The following ADGRL2 variants were observed in gnomAD, a reference collection of about 807,000 sequenced individuals.
ADGRL2 encodes adhesion G protein-coupled receptor L2, also known as calcium-independent alpha-latrotoxin receptor 2.
A neutral mutation model predicts 157.4 loss-of-function variants in ADGRL2; 44 were observed. The ratio of observed to expected loss-of-function variants is 0.28; its 90% CI spans 0.22 to 0.36. ADGRL2 has a LOEUF of 0.36. ADGRL2 is among the 10% of genes least tolerant of loss of function. The pLI is 1.00. For missense variants in ADGRL2, 1,510 were observed against 1,768.9 expected, an observed-to-expected ratio of 0.85 and a Z score of 2.63; for synonymous variants, 585 against 624.7, an observed-to-expected ratio of 0.94 and a Z score of 0.95.
chr1:81,422,398 C>T (rs1050656205), intron 1 of ADGRL2, among the ~76,000 whole-genome samples: 2 of 152,176 alleles, frequency 1.3e-5, no homozygotes, highest in African/African-American at 4.8e-5. Flanking sequence ...GCACATGCCA[C>T]CATGCCTGGC....
At chr1:81,773,235 G>C (rs1458343396) in intron 2 of ADGRL2, among the ~76,000 whole-genome samples, 1 of 152,218 alleles carries the variant, frequency 6.6e-6, no homozygotes, top group Non-Finnish European at 1.5e-5. Flanking sequence ...CCATGAACCA[G>C]TAAATTGCCT....
In ADGRL2 at chr1:81,971,905, C is replaced by A. The variant is rs377298321; in HGVS notation, c.3008C>A (p.Thr1003Asn). Residue 1003 changes from threonine to asparagine, a missense_variant, in exon 17 of 24, where the codon ACC becomes AAC. Thr to Asn is a moderately conservative substitution (Grantham distance 65). Coordinates refer to ENST00000686636, the MANE Select transcript of ADGRL2 (RefSeq NM_001366006.2). Reference sequence around the variant, plus strand: ...ATATGGAGCTTCATTGGACCTGTTACCTTCATTATTCTGGTAAGCAGGTTC... The same window carrying A: ...ATATGGAGCTTCATTGGACCTGTTAACTTCATTATTCTGGTAAGCAGGTTC... ...YFIWSFIGPV[T>N]FIILLNIIFL... The A allele has an allele frequency of 3.7e-6, 6 of 1,610,324 alleles. No homozygotes were observed. The highest frequency in any genetic ancestry group is 5.1e-6 in the Non-Finnish European group (6 of 1,177,626).
At chr1:81,766,623 A>T (rs2149328151) in intron 2 of ADGRL2, among the ~76,000 whole-genome samples, 1 of 152,000 alleles carries the variant, frequency 6.6e-6, no homozygotes, top group Admixed American at 6.6e-5. Context: ...CTGAGGTCGG[A>T]AGTTCAAGAC....
intron 1 of ADGRL2, among the ~76,000 whole-genome samples, chr1:81,367,869 A>G (rs961083699): frequency 4.6e-5 from 7 of 152,042 alleles, no homozygotes; most frequent in African/African-American, 1.4e-4. Context: ...ATTCCTTTTT[A>G]TGGCTGCATA....
chr1:81,699,991 C>T (rs771425723), intron 1 of ADGRL2, among the ~76,000 whole-genome samples: 2 of 152,114 alleles, frequency 1.3e-5, no homozygotes, highest in Non-Finnish European at 2.9e-5. Flanking sequence ...CCAGCCCCTG[C>T]AATAGCTGTC....
intron 13 of ADGRL2, 125 bp downstream of exon 13, chr1:81,966,734 TC>T: frequency 3.9e-6 from 3 of 765,700 alleles, no homozygotes; most frequent in Non-Finnish European, 6.6e-6. Flanking sequence ...ACAAGACCTT[TC>T]CATTTGAATT....
intron 2 of ADGRL2, among the ~76,000 whole-genome samples, chr1:81,471,882 T>C (rs1270853270): frequency 6.6e-6 from 1 of 152,184 alleles, no homozygotes; most frequent in Non-Finnish European, 1.5e-5. Flanking sequence ...TCTAAAATCA[T>C]TTTCTTCAGT....
intron 1 of ADGRL2, among the ~76,000 whole-genome samples, chr1:81,336,911 T>C (rs953616605): frequency 2.4e-4 from 36 of 152,088 alleles, no homozygotes; most frequent in Admixed American, 2.0e-3. Context: ...CAGGCTCCAC[T>C]GGCAGAGGAG....
chr1:81,384,992 T>G (rs1393919232), intron 1 of ADGRL2, among the ~76,000 whole-genome samples: 9 of 152,184 alleles, frequency 5.9e-5, no homozygotes, highest in Admixed American at 4.6e-4. Context: ...ATTGCCACCA[T>G]AACCTTCACA....
intron 1 of ADGRL2, among the ~76,000 whole-genome samples, chr1:81,363,162 C>T (rs1353064371): frequency 2.6e-5 from 4 of 151,818 alleles, no homozygotes; most frequent in African/African-American, 9.7e-5. Flanking sequence ...AAAAAAGTTA[C>T]AAAAAGAAGA....
intron 3 of ADGRL2, among the ~76,000 whole-genome samples, chr1:81,686,066 A>G (rs1358961967): frequency 2.6e-5 from 4 of 152,158 alleles, no homozygotes; most frequent in East Asian, 1.9e-4. Context: ...TTTAGCAACT[A>G]TGTTCATCAA....
intron 1 of ADGRL2, chr1:81,426,685 G>T (rs2077223367): frequency 2.1e-6 from 1 of 471,552 alleles, no homozygotes; most frequent in South Asian, 1.6e-5. Context: ...GTTCCAGGGG[G>T]TTTGGTTTTG....
chr1:81,445,959 G>A (rs1008943357), intron 2 of ADGRL2, among the ~76,000 whole-genome samples: 4 of 151,636 alleles, frequency 2.6e-5, no homozygotes, highest in African/African-American at 7.3e-5. Flanking sequence ...CTCACTTTAC[G>A]GATTGTTTCA....
chr1:81,386,674 C>A (rs954816438), intron 1 of ADGRL2, among the ~76,000 whole-genome samples: 7 of 152,116 alleles, frequency 4.6e-5, no homozygotes, highest in Admixed American at 4.6e-4. Context: ...TAATCTGATG[C>A]AAACAATTGG....
At chr1:81,787,642 A>G (rs755334843) in intron 2 of ADGRL2, among the ~76,000 whole-genome samples, 26 of 152,114 alleles carry the variant, frequency 1.7e-4, no homozygotes, top group Non-Finnish European at 3.8e-4. Flanking sequence ...GTGACAGAGC[A>G]AGACACTTGT....
chr1:81,952,622 C>T (rs1278364104), intron 9 of ADGRL2, among the ~76,000 whole-genome samples: 1 of 152,008 alleles, frequency 6.6e-6, no homozygotes, highest in Non-Finnish European at 1.5e-5. Flanking sequence ...ATTAATTTTT[C>T]CTATTATGAC....
At chr1:81,715,262 T>A (rs969887988) in intron 1 of ADGRL2, among the ~76,000 whole-genome samples, 11 of 152,030 alleles carry the variant, frequency 7.2e-5, no homozygotes, top group African/African-American at 2.4e-4. Context: ...AAAAGCCACA[T>A]TTATTCACAA....
chr1:81,732,776 C>T (rs1225786116), intron 1 of ADGRL2, among the ~76,000 whole-genome samples: 3 of 151,986 alleles, frequency 2.0e-5, no homozygotes, highest in Non-Finnish European at 4.4e-5. Flanking sequence ...ATCACAATGG[C>T]TATGTTGAAA....
At chr1:81,487,843 T>C (rs900101181) in intron 2 of ADGRL2, among the ~76,000 whole-genome samples, 1 of 152,192 alleles carries the variant, frequency 6.6e-6, no homozygotes, top group Admixed American at 6.5e-5. Context: ...TATACAAGTA[T>C]GTCAGTCTAC....
Sources: allele counts gnomAD v4.1 joint callset (sites outside exome capture counted in the v4.1 genomes callset), GRCh38; gene constraint gnomAD v4.1.1; transcripts MANE v1.5; gene names NCBI Gene and HGNC (gene_info 2026-07-23, HGNC 2026-07-21).